CHN1: variants seen among roughly 807,000 people sequenced by gnomAD.
CHN1 encodes the protein N-chimaerin.
CHN1 carries 37 observed loss-of-function variants against 59.5 expected under a neutral mutation model. The observed-to-expected ratio is 0.62, with a 90% confidence interval of 0.48 to 0.82. The LOEUF is 0.82. CHN1 is among the 40% of genes least tolerant of loss of function. The probability of loss-of-function intolerance (pLI) is 0.00; values close to 1 mark genes in which losing one functional copy is unlikely to be tolerated. For synonymous variants in CHN1, 206 were observed against 200.4 expected (o/e 1.03, Z -0.24); for missense variants, 469 against 571.0 (o/e 0.82, Z 1.82).
At chr2:174,887,190 G>A (rs1314396946) in intron 5 of CHN1, among the ~76,000 whole-genome samples, 1 of 152,054 alleles carries the variant, frequency 6.6e-6, no homozygotes, top group East Asian at 1.9e-4. Flanking sequence ...TCTGACTATG[G>A]AAAAGCAATA....
chr2:174,952,110 A>G, intron 2 of CHN1, 54 bp downstream of exon 2: 1 of 1,087,768 alleles, frequency 9.2e-7, no homozygotes, highest in Non-Finnish European at 1.2e-6. Flanking sequence ...ATAATCCCAT[A>G]TTTTTATATT....
At chr2:174,873,515 T>C (rs1219432183) in intron 6 of CHN1, among the ~76,000 whole-genome samples, 2 of 152,174 alleles carry the variant, frequency 1.3e-5, no homozygotes, top group African/African-American at 4.8e-5. Flanking sequence ...TGGCCTATAT[T>C]TGAAGCAAAG....
chr2:174,982,616 C>CT (rs984463207), intron 1 of CHN1, among the ~76,000 whole-genome samples: 25 of 152,230 alleles, frequency 1.6e-4, no homozygotes, highest in African/African-American at 5.8e-4. Context: ...GGCTATATCA[C>CT]TTTGTGACCC....
chr2:174,985,136 G>T (rs908449641), intron 1 of CHN1, among the ~76,000 whole-genome samples: 4 of 152,140 alleles, frequency 2.6e-5, no homozygotes, highest in African/African-American at 9.7e-5. Context: ...ATTTGCTCTA[G>T]ATTTTAGTTG....
At chr2:174,870,202 G>C (rs1687361991) in intron 6 of CHN1, among the ~76,000 whole-genome samples, 1 of 152,140 alleles carries the variant, frequency 6.6e-6, no homozygotes, top group Non-Finnish European at 1.5e-5. Context: ...AAATAATGCA[G>C]CATACTTTAA....
At chr2:174,845,328 A>G (rs1686471644) in intron 7 of CHN1, among the ~76,000 whole-genome samples, 1 of 152,180 alleles carries the variant, frequency 6.6e-6, no homozygotes, top group African/African-American at 2.4e-5. Flanking sequence ...CCTCTTTATT[A>G]GTAACCCAAA....
At position 174,824,514 on chromosome 2, in the gene CHN1, T is replaced by C; in HGVS notation, c.632A>G (p.His211Arg). ...ACACCAGTGTGGCCCTCTGAATGTA[T>C]GCACCTGAAAAAAAAAAAGAGGGGC... ...KYEKIHNFKV[H>R]TFRGPHWCEY... The change falls in exon 8 of 13, where the codon CAT (histidine) becomes CGT (arginine). Residue 211 changes from histidine (H) to arginine (R), a missense_variant. By Grantham distance (29) the His-to-Arg change is conservative. Around this residue, in one of 5 missense-constraint regions of CHN1, gnomAD observed 81 missense variants for 71.7 expected, o/e 1.13. Transcript: ENST00000409900. 6.3e-7 allele frequency: 1 copy of C among 1,589,906 alleles called. No individual in the cohort carries two copies. Among genetic ancestry groups the C allele is most frequent in the Non-Finnish European group, 8.6e-7 (1 of 1,169,232 alleles).
chr2:174,869,537 G>T (rs1013115447), intron 6 of CHN1, among the ~76,000 whole-genome samples: 3 of 152,044 alleles, frequency 2.0e-5, no homozygotes, highest in African/African-American at 7.2e-5. Context: ...CTACAAGAGG[G>T]CATGAGAGAA....
At chr2:174,970,204 A>G (rs1350856449) in intron 1 of CHN1, among the ~76,000 whole-genome samples, 2 of 152,244 alleles carry the variant, frequency 1.3e-5, no homozygotes, top group Admixed American at 6.5e-5. Flanking sequence ...ATAAAGCACC[A>G]TCTGTTGTTG....
chr2:174,899,091 C>G (rs985204729), intron 5 of CHN1, among the ~76,000 whole-genome samples: 2 of 152,152 alleles, frequency 1.3e-5, no homozygotes, highest in South Asian at 4.1e-4. Flanking sequence ...CCCCACACAG[C>G]CTTGTTACCT....
intron 6 of CHN1, among the ~76,000 whole-genome samples, chr2:174,868,682 C>T (rs185446555): frequency 5.8e-4 from 89 of 152,212 alleles, no homozygotes; most frequent in African/African-American, 2.0e-3. Flanking sequence ...TTACACAACC[C>T]GCAATCCACC....
chr2:174,921,352 C>T lies in CHN1; in HGVS notation c.115-2787G>A, dbSNP rs150265253. On this transcript the variant is annotated intron_variant, in intron 3 of 12. Transcript: ENST00000409900. ...ACTGACTTTTTCCCTACCCTCTCTC[C>T]GAGTGGAAAAACTAGTTTTGTCTCC... 1.9e-3 allele frequency among the ~76,000 whole-genome samples: 287 copies of T among 152,222 alleles called. 1 individual carries two copies. The highest frequency in any genetic ancestry group is 8.7e-3 in the East Asian group (45 of 5,176).
At position 174,801,816 on chromosome 2, in the gene CHN1, A is replaced by C. The variant is rs1343405776; in HGVS notation, c.1103-4T>G. ...TGCTCATCCGGATCCATAATTTCTA[A>C]AATAGCAAGTCGAATACCAAGAAGA... On this transcript the variant is annotated splice_region_variant and splice_polypyrimidine_tract_variant and intron_variant, in intron 11 of 12. Coordinates refer to ENST00000409900, the MANE Select transcript of CHN1 (RefSeq NM_001822.7). The C allele has an allele frequency of 6.2e-7, 1 of 1,605,054 alleles. No homozygotes were observed. Among genetic ancestry groups the C allele is most frequent in the Non-Finnish European group, 8.5e-7 (1 of 1,172,064 alleles).
intron 1 of CHN1, among the ~76,000 whole-genome samples, chr2:174,957,038 T>C (rs1690230627): frequency 6.6e-6 from 1 of 152,162 alleles, no homozygotes; most frequent in Non-Finnish European, 1.5e-5. Context: ...AAAGACACCT[T>C]ATTTCGTATA....
At chr2:174,923,417 G>A (rs1028394230) in intron 3 of CHN1, among the ~76,000 whole-genome samples, 23 of 152,220 alleles carry the variant, frequency 1.5e-4, no homozygotes, top group Non-Finnish European at 3.4e-4. Flanking sequence ...TGGGATTACA[G>A]GCGTGAGCCA....
At chr2:174,918,796 A>C in intron 3 of CHN1, among the ~76,000 whole-genome samples, 1 of 152,208 alleles carries the variant, frequency 6.6e-6, no homozygotes, top group East Asian at 1.9e-4. Context: ...GTTGGACTAA[A>C]CTATCTTTAG....
chr2:174,956,568 C>T (rs1690211610), intron 1 of CHN1, among the ~76,000 whole-genome samples: 1 of 151,858 alleles, frequency 6.6e-6, no homozygotes, highest in African/African-American at 2.4e-5. Context: ...GTGAGGAACT[C>T]GAGACCAGCC....
At chr2:175,000,935 C>A (rs1691870847) in intron 1 of CHN1, among the ~76,000 whole-genome samples, 1 of 152,138 alleles carries the variant, frequency 6.6e-6, no homozygotes. Context: ...GAGACAGGGT[C>A]TTGCTGTGTT....
At chr2:174,855,634 G>A (rs1014116524) in intron 6 of CHN1, among the ~76,000 whole-genome samples, 20 of 152,028 alleles carry the variant, frequency 1.3e-4, no homozygotes, top group African/African-American at 4.8e-4. Context: ...TAATATGTCA[G>A]CTTCCATTAA....
Sources: allele counts gnomAD v4.1 joint callset (sites outside exome capture counted in the v4.1 genomes callset), GRCh38; gene constraint gnomAD v4.1.1; regional missense constraint gnomAD v4.1.1; transcripts MANE v1.5; gene names NCBI Gene and HGNC (gene_info 2026-07-23, HGNC 2026-07-21).